Variants in CNTLN observed in about 807,000 individuals in gnomAD.
CNTLN encodes the protein centlein, also known as centlein, centrosomal protein.
In CNTLN, 212 loss-of-function variants were observed where a neutral mutation model predicts 180.0. The ratio of observed to expected loss-of-function variants is 1.18; its 90% confidence interval spans 1.05 to 1.32. The LOEUF is 1.32. Among genes scored for constraint, CNTLN ranks in the 40% most tolerant of loss-of-function variants. CNTLN has a pLI of 0.00. For synonymous variants in CNTLN, 722 were observed against 563.1 expected (o/e 1.28, Z -3.99); for missense variants, 2,095 against 1,610.9 (o/e 1.30, Z -5.14).
In CNTLN at chr9:17,185,035, A is replaced by G. The variant is rs1303076641; in HGVS notation, c.450-41168A>G. Among the ~76,000 whole-genome samples the G allele has an allele frequency of 2.0e-5, 3 of 152,358 alleles. No homozygotes were observed. The East Asian group carries it at 5.8e-4, about 29-fold the overall frequency. ...TAATTTATCTACTCTTGAAGTCTGA[A>G]TAGAATATTCTAGCCAAATGCTCCT... On this transcript the variant is annotated intron_variant, in intron 2 of 25. Transcript: ENST00000380647.
the CNTLN span, among the ~76,000 whole-genome samples, chr9:17,509,678 T>C: frequency 6.6e-6 from 1 of 152,094 alleles, no homozygotes; most frequent in Admixed American, 6.5e-5. Context: ...TAATATATGG[T>C]GCCATTTCTC....
Position 17,354,027 on chromosome 9 carries a change from G to A in CNTLN, c.1886+11583G>A, listed in dbSNP as rs527897395. Among the ~76,000 whole-genome samples the A allele has an allele frequency of 6.6e-5, 10 of 152,338 alleles. No homozygotes were observed. In the East Asian group the frequency reaches 1.9e-3, roughly 29 times the overall value. On this transcript the variant is annotated intron_variant, in intron 12 of 25. Transcript: ENST00000380647. ...CGTGGGCTTGGCGGCCCCGCACTCG[G>A]AGCAGCCGACCAGCCCTGCCGGCCC...
At position 17,143,361 on chromosome 9, in the gene CNTLN, GT is replaced by G; in HGVS notation, c.437del (p.Leu146TrpfsTer18). The G allele has an allele frequency of 1.2e-6, 2 of 1,613,464 alleles. No individual in the cohort carries two copies. The highest frequency in any genetic ancestry group is 1.7e-6 in the Non-Finnish European group (2 of 1,179,584). ...AACCCAGATCTCACACAAGTGGTCAGTTTGGTTGTGGAAAGGTGAGCTCTCA... is the reference window on the plus strand; with the variant it reads ...AACCCAGATCTCACACAAGTGGTCAGTTGGTTGTGGAAAGGTGAGCTCTCA... ...VTNPDLTQVV[S>X]LVVEREKQKS... On this transcript the variant is annotated frameshift_variant, in exon 2 of 26. Transcript: ENST00000380647. LOFTEE classifies it high-confidence loss of function.
the CNTLN span, among the ~76,000 whole-genome samples, chr9:17,519,115 A>G: frequency 1.3e-5 from 2 of 151,998 alleles, no homozygotes; most frequent in African/African-American, 2.4e-5. Flanking sequence ...TTTTTTAAAG[A>G]GAGGGCTTCA....
intron 14 of CNTLN, among the ~76,000 whole-genome samples, chr9:17,394,246 C>T (rs927220326): frequency 1.4e-4 from 21 of 152,108 alleles, no homozygotes; most frequent in South Asian, 4.2e-4. Flanking sequence ...GAATATATAG[C>T]CAAGGCACTT....
chr9:17,394,057 T>A (rs74316754), intron 14 of CNTLN, among the ~76,000 whole-genome samples: 1,782 of 152,290 alleles, frequency 0.012, 38 homozygotes, highest in African/African-American at 0.04. Flanking sequence ...ACATGACTAC[T>A]AAAATTACAT....
intron 16 of CNTLN, among the ~76,000 whole-genome samples, chr9:17,412,358 T>A (rs1285593839): frequency 6.6e-6 from 1 of 152,116 alleles, no homozygotes; most frequent in African/African-American, 2.4e-5. Context: ...AAATCACACC[T>A]CATACCAAGA....
chr9:17,352,255 G>A (rs1026056169), intron 12 of CNTLN, among the ~76,000 whole-genome samples: 1 of 151,600 alleles, frequency 6.6e-6, no homozygotes, highest in African/African-American at 2.4e-5. Context: ...ATATATGTTG[G>A]CCATAGTTTT....
chr9:17,290,266 C>A (rs1829282319), intron 6 of CNTLN, among the ~76,000 whole-genome samples: 1 of 151,894 alleles, frequency 6.6e-6, no homozygotes. Flanking sequence ...GAATACCCTG[C>A]CATGTGAGGT....
chr9:17,506,366 C>A (rs967125536), downstream of CNTLN, among the ~76,000 whole-genome samples: 1 of 152,094 alleles, frequency 6.6e-6, no homozygotes, highest in Non-Finnish European at 1.5e-5. Flanking sequence ...GGATTCATAT[C>A]TAAAATAAAC....
rs897143440 is a variant in CNTLN, at chr9:17,483,326, A to G, written c.3856-969A>G. 6.7e-4 allele frequency among the ~76,000 whole-genome samples: 7 copies of G among 10,392 alleles called. No individual in the cohort carries two copies. The Non-Finnish European group carries it at 0.035, about 52-fold the overall frequency. 6.8% of individuals were successfully genotyped at this position (10,392 alleles called of 152,430 possible). A position where few individuals can be genotyped will look rare whatever the true frequency, so the allele number is the denominator to read the frequency against. Reference sequence around the variant, plus strand: ...GGTATTTTGCTAGTTGTGTGGAGAAACAGATACTTTTTATACATTCTTTGT... The same window carrying G: ...GGTATTTTGCTAGTTGTGTGGAGAAGCAGATACTTTTTATACATTCTTTGT... On this transcript the variant is annotated intron_variant, in intron 23 of 25. Coordinates refer to ENST00000380647, the MANE Select transcript of CNTLN (RefSeq NM_017738.4).
chr9:17,316,866 A>G (rs1250741673), intron 8 of CNTLN, among the ~76,000 whole-genome samples: 1 of 152,120 alleles, frequency 6.6e-6, no homozygotes, highest in African/African-American at 2.4e-5. Context: ...ATCTCATAGA[A>G]ATTCATGTGA....
chr9:17,399,693 A>G (rs1480657832), intron 15 of CNTLN, among the ~76,000 whole-genome samples: 2 of 152,156 alleles, frequency 1.3e-5, no homozygotes, highest in African/African-American at 4.8e-5. Context: ...CTCCTCCCAA[A>G]ATATAGTTGA....
intron 2 of CNTLN, among the ~76,000 whole-genome samples, chr9:17,193,919 T>C (rs1287998663): frequency 6.6e-6 from 1 of 152,182 alleles, no homozygotes; most frequent in Non-Finnish European, 1.5e-5. Flanking sequence ...AAACCCCAAT[T>C]CTTGACTTCT....
intron 24 of CNTLN, among the ~76,000 whole-genome samples, chr9:17,486,343 G>A (rs1250349125): frequency 6.7e-6 from 1 of 149,024 alleles, no homozygotes; most frequent in Non-Finnish European, 1.5e-5. Context: ...TGGAAAGTCA[G>A]TTTTTTTTTT....
chr9:17,208,635 A>G (rs976118723), intron 2 of CNTLN, among the ~76,000 whole-genome samples: 2 of 152,110 alleles, frequency 1.3e-5, no homozygotes, highest in African/African-American at 4.8e-5. Context: ...TATGGCTTCA[A>G]TCTTATTACT....
chr9:17,521,371 A>G, the CNTLN span, among the ~76,000 whole-genome samples: 1 of 152,092 alleles, frequency 6.6e-6, no homozygotes, highest in South Asian at 2.1e-4. Context: ...GTAAGAAAAG[A>G]GAACACTCCT....
chr9:17,172,023 T>C (rs1368081607), intron 2 of CNTLN, among the ~76,000 whole-genome samples: 2 of 152,182 alleles, frequency 1.3e-5, no homozygotes, highest in African/African-American at 4.8e-5. Flanking sequence ...TGGATACTCA[T>C]GGATCGGCCA....
intron 25 of CNTLN, among the ~76,000 whole-genome samples, chr9:17,496,010 C>A (rs2383028): frequency 0.37 from 56,838 of 151,852 alleles, 10,850 homozygotes; most frequent in East Asian, 0.53. Context: ...TTGGACAACG[C>A]CAAAATTGCC....
Sources: gnomAD v4.1 joint callset for allele counts (sites outside exome capture counted in the v4.1 genomes callset) on GRCh38, gnomAD v4.1.1 for gene constraint, MANE v1.5 for transcripts, NCBI Gene and HGNC (gene_info 2026-07-23, HGNC 2026-07-21) for gene names.